The following CYP4F22 variants were observed in gnomAD, a reference collection of about 807,000 sequenced individuals.
The protein encoded by CYP4F22 is cytochrome P450 family 4 subfamily F member 22, also known as ultra-long-chain fatty acid omega-hydroxylase.
CYP4F22 carries 37 observed loss-of-function variants against 60.4 expected under a neutral mutation model. The observed-to-expected ratio is 0.61, with a 90% CI of 0.47 to 0.81. The LOEUF (loss-of-function observed/expected upper bound fraction) is 0.81, where lower values mean the gene tolerates loss of function less well. CYP4F22 is among the 30% of genes least tolerant of loss of function. The pLI is 0.00. For synonymous variants in CYP4F22, 258 were observed against 280.5 expected, an observed-to-expected ratio of 0.92 and a Z score of 0.80; for missense variants, 655 against 715.0, an observed-to-expected ratio of 0.92 and a Z score of 0.96.
At chr19:15,530,458 G>A (rs1242170338) in intron 4 of CYP4F22, among the ~76,000 whole-genome samples, 1 of 152,166 alleles carries the variant, frequency 6.6e-6, no homozygotes, top group African/African-American at 2.4e-5. Flanking sequence ...ACCTGGGTAT[G>A]TCTGTGTCCA....
intron 1 of CYP4F22, among the ~76,000 whole-genome samples, chr19:15,518,666 A>AG (rs1396359685): frequency 2.7e-5 from 4 of 148,656 alleles, no homozygotes; most frequent in African/African-American, 1.0e-4. Context: ...AAAAAAAAAA[A>AG]AAAGAAACAA....
Position 15,537,341 on chromosome 19 carries a change from T to C in CYP4F22, c.368-20T>C, listed in dbSNP as rs1971407243. 6 of 1,613,806 alleles carry C rather than the reference T, an allele frequency of 3.7e-6. No individual in the cohort carries two copies. Among genetic ancestry groups the C allele is most frequent in the Non-Finnish European group, 5.1e-6 (6 of 1,180,000 alleles). On this transcript the variant is annotated intron_variant, in intron 4 of 13. Coordinates refer to ENST00000269703, the MANE Select transcript of CYP4F22 (RefSeq NM_173483.4). ...AAAAAACTCTGTTTTGAGTCACCATTTTCCCTTTGCCCTCCACAGCTGCCA... is the reference window on the plus strand; with the variant it reads ...AAAAAACTCTGTTTTGAGTCACCATCTTCCCTTTGCCCTCCACAGCTGCCA...
chr19:15,540,363 G>A (rs2144532209), intron 7 of CYP4F22, 87 bp from the exon 8 acceptor site: 1 of 1,507,210 alleles, frequency 6.6e-7, no homozygotes, highest in Non-Finnish European at 9.2e-7. Flanking sequence ...TCTATTCAAT[G>A]GGGACAGGAG....
chr19:15,526,768 A>G (rs1351064747), intron 3 of CYP4F22, among the ~76,000 whole-genome samples: 1 of 140,390 alleles, frequency 7.1e-6, no homozygotes, highest in Non-Finnish European at 1.5e-5. Context: ...TTTTTTCGAG[A>G]CAGTCTTTCT....
In CYP4F22 at chr19:15,548,808, T is replaced by C. The variant is rs374866310; in HGVS notation, c.1271-330T>C. Reference sequence around the variant, plus strand: ...TCAGGATGCAGATTTTGAAAGGCCTTGAGTGCCAGGTGATGGCGCTTGAAC... The same window carrying C: ...TCAGGATGCAGATTTTGAAAGGCCTCGAGTGCCAGGTGATGGCGCTTGAAC... On this transcript the variant is annotated intron_variant, in intron 11 of 13. Coordinates refer to ENST00000269703, the MANE Select transcript of CYP4F22 (RefSeq NM_173483.4). Among the ~76,000 whole-genome samples the C allele has an allele frequency of 6.6e-5, 10 of 152,106 alleles. No individual in the cohort carries two copies. In the East Asian group the frequency reaches 1.5e-3, roughly 24 times the overall value.
intron 1 of CYP4F22, among the ~76,000 whole-genome samples, chr19:15,509,904 C>CCTTCCTTTCCTTCCTTCCTTCTTT (rs1323141197): frequency 2.3e-5 from 2 of 86,696 alleles, no homozygotes; most frequent in Non-Finnish European, 5.0e-5. Context: ...TTCCTTCCTT[C>CCTTCCTTTCCTTCCTTCCTTCTTT]CTTTCTTTCT....
At chr19:15,519,358 G>A (rs984731894) in intron 1 of CYP4F22, among the ~76,000 whole-genome samples, 3 of 151,258 alleles carry the variant, frequency 2.0e-5, no homozygotes, top group Admixed American at 6.6e-5. Context: ...TGCCTCCCAC[G>A]CTCAAGCGAT....
At chr19:15,547,602 T>C (rs1426479405) in intron 10 of CYP4F22, among the ~76,000 whole-genome samples, 1 of 152,008 alleles carries the variant, frequency 6.6e-6, no homozygotes, top group East Asian at 1.9e-4. Context: ...GTGGGTGGAT[T>C]GCCTGAGGTC....
At chr19:15,518,683 ACAC>A (rs1971185178) in intron 1 of CYP4F22, among the ~76,000 whole-genome samples, 1 of 142,258 alleles carries the variant, frequency 7.0e-6, no homozygotes, top group Non-Finnish European at 1.5e-5. Flanking sequence ...ACAAAACAAA[ACAC>A]AGAAAAAAAA....
chr19:15,541,571 A>T (rs1971462800), intron 8 of CYP4F22, among the ~76,000 whole-genome samples: 1 of 152,080 alleles, frequency 6.6e-6, no homozygotes. Flanking sequence ...AGCTCATCAC[A>T]ATTGCAAAAA....
intron 7 of CYP4F22, among the ~76,000 whole-genome samples, chr19:15,540,129 G>A (rs1251937811): frequency 4.0e-5 from 6 of 151,694 alleles, no homozygotes; most frequent in Non-Finnish European, 1.5e-5. Context: ...TCCCTCTTTG[G>A]GCCTGTTCAA....
chr19:15,536,570 G>A (rs1415725933), intron 4 of CYP4F22, among the ~76,000 whole-genome samples: 3 of 152,106 alleles, frequency 2.0e-5, no homozygotes, highest in African/African-American at 7.2e-5. Context: ...GAGAGGGTGA[G>A]GCTGGAGGCT....
chr19:15,530,177 T>C (rs1481768633), intron 4 of CYP4F22, among the ~76,000 whole-genome samples: 1 of 152,174 alleles, frequency 6.6e-6, no homozygotes, highest in Non-Finnish European at 1.5e-5. Flanking sequence ...CGCCCATCAT[T>C]TGGTTCTGAC....
At position 15,551,733 on chromosome 19, in the gene CYP4F22, C is replaced by A. The variant is rs2280435; in HGVS notation, c.*262C>A. 291,682 of 573,372 alleles carry A rather than the reference C, an allele frequency of 0.51. 74,653 individuals carry two copies. Among genetic ancestry groups the A allele is most frequent in the South Asian group, 0.59 (28,366 of 48,174 alleles). The allele number at this position is 573,372 out of a possible 1,614,324, so 35.5% of individuals were successfully genotyped here. A position where few individuals can be genotyped will look rare whatever the true frequency, so the allele number is the denominator to read the frequency against. ...TCTCGCACCTGTCCTGTTTGAGGGA[C>A]CAGGGTCGACCCTGCCCCCTTGGGC... is the stretch of plus-strand genomic sequence containing the variant. On this transcript the variant is annotated 3_prime_UTR_variant, in exon 14 of 14. Transcript: ENST00000269703.
intron 4 of CYP4F22, among the ~76,000 whole-genome samples, chr19:15,534,327 C>T (rs1971373346): frequency 6.6e-6 from 1 of 152,154 alleles, no homozygotes; most frequent in African/African-American, 2.4e-5. Flanking sequence ...GGGATTTGAA[C>T]TCAGACCTGG....
At chr19:15,534,372 A>G (rs896617994) in intron 4 of CYP4F22, among the ~76,000 whole-genome samples, 1 of 152,148 alleles carries the variant, frequency 6.6e-6, no homozygotes, top group Non-Finnish European at 1.5e-5. Flanking sequence ...ACATAGTGAT[A>G]TGCAGCTTTC....
intron 1 of CYP4F22, chr19:15,516,646 A>ACGC: frequency 2.6e-6 from 1 of 382,836 alleles, no homozygotes; most frequent in Non-Finnish European, 5.0e-6. Context: ...TAAACATTTT[A>ACGC]CTTATAACAC....
At chr19:15,537,291 A>T in intron 4 of CYP4F22, 70 bp from the exon 5 acceptor site, 1 of 1,583,978 alleles carries the variant, frequency 6.3e-7, no homozygotes, top group Non-Finnish European at 8.7e-7. Context: ...ACAGAGCAAG[A>T]CTCCGTAAAA....
intron 1 of CYP4F22, among the ~76,000 whole-genome samples, chr19:15,518,149 C>T (rs1971176280): frequency 6.6e-6 from 1 of 152,016 alleles, no homozygotes; most frequent in Non-Finnish European, 1.5e-5. Flanking sequence ...CCAGCCTGGA[C>T]AACATAGCCA....
Sources: gnomAD v4.1 joint callset for allele counts (sites outside exome capture counted in the v4.1 genomes callset) on GRCh38, gnomAD v4.1.1 for gene constraint, MANE v1.5 for transcripts, NCBI Gene and HGNC (gene_info 2026-07-23, HGNC 2026-07-21) for gene names.